Variants in LRPPRC observed in about 807,000 individuals in gnomAD.
LRPPRC encodes the protein leucine-rich PPR motif-containing protein, mitochondrial.
LRPPRC carries 120 observed loss-of-function variants against 180.3 expected under a neutral mutation model. That is an observed-to-expected ratio of 0.67 (90% CI 0.57 to 0.77). The LOEUF is 0.77. Ranked by LOEUF, LRPPRC falls within the 30% of genes least tolerant of loss-of-function variation. The pLI, the probability that LRPPRC is intolerant of heterozygous loss-of-function variation, is 0.00. For synonymous variants in LRPPRC, 723 were observed against 600.0 expected (o/e 1.21, Z -3.00); for missense variants, 2,012 against 1,657.2 (o/e 1.21, Z -3.72).
intron 16 of LRPPRC, 48 bp from the exon 17 acceptor site, chr2:43,948,566 G>C (rs375558155): frequency 1.1e-6 from 1 of 907,472 alleles, no homozygotes; most frequent in Non-Finnish European, 1.9e-6. Context: ...TACCGAGACT[G>C]TCATGTTATC....
chr2:43,956,478 C>T (rs1007631476), intron 14 of LRPPRC, among the ~76,000 whole-genome samples: 65 of 142,488 alleles, frequency 4.6e-4, no homozygotes, highest in Admixed American at 1.6e-3. Flanking sequence ...AAGAAAAAAA[C>T]GTGTGTGTGT....
chr2:43,982,932 GT>G (rs397978558), intron 1 of LRPPRC, among the ~76,000 whole-genome samples: 62 of 145,816 alleles, frequency 4.3e-4, no homozygotes, highest in Admixed American at 2.7e-4. Flanking sequence ...ACGATGCAGG[GT>G]TTTTTTTTTT....
intron 25 of LRPPRC, among the ~76,000 whole-genome samples, chr2:43,932,234 AC>A (rs1672119111): frequency 6.6e-6 from 1 of 151,918 alleles, no homozygotes; most frequent in African/African-American, 2.4e-5. Flanking sequence ...AAACAAAAAA[AC>A]AGGTGATATT....
At chr2:43,920,820 C>T (rs1268430806) in intron 27 of LRPPRC, among the ~76,000 whole-genome samples, 1 of 152,060 alleles carries the variant, frequency 6.6e-6, no homozygotes, top group African/African-American at 2.4e-5. Flanking sequence ...TGCTAAGGAC[C>T]TTTAAAAAGG....
intron 5 of LRPPRC, among the ~76,000 whole-genome samples, chr2:43,976,689 C>G (rs112873162): frequency 6.9e-6 from 1 of 145,650 alleles, no homozygotes; most frequent in Non-Finnish European, 1.5e-5. Context: ...TGGTTAAGAA[C>G]ATTTCCCTTA....
At chr2:43,945,291 G>C (rs368657323) in intron 22 of LRPPRC, 41 bp downstream of exon 22, 27 of 1,278,698 alleles carry the variant, frequency 2.1e-5, no homozygotes, top group Non-Finnish European at 3.1e-5. Context: ...CCAGTGGCAA[G>C]ATACTTGCAT....
chr2:43,890,091 G>T, intron 36 of LRPPRC: 1 of 594,994 alleles, frequency 1.7e-6, no homozygotes, highest in South Asian at 2.1e-5. Context: ...AGAAGAAAAT[G>T]ACAAATATGG....
intron 31 of LRPPRC, chr2:43,903,288 T>TACTC (rs1246523654): frequency 6.6e-6 from 1 of 152,224 alleles, no homozygotes; most frequent in Admixed American, 6.5e-5. Context: ...TTTACTCAAT[T>TACTC]ACTCACTAGT....
At chr2:43,901,163 T>C (rs1462470231) in intron 32 of LRPPRC, among the ~76,000 whole-genome samples, 157 bp downstream of exon 32, 6 of 152,210 alleles carry the variant, frequency 3.9e-5, no homozygotes, top group Admixed American at 3.9e-4. Flanking sequence ...AACATATTTT[T>C]CAACATATAA....
At chr2:43,926,193 G>C (rs116681792) in intron 25 of LRPPRC, among the ~76,000 whole-genome samples, 1 of 152,070 alleles carries the variant, frequency 6.6e-6, no homozygotes, top group South Asian at 2.1e-4. Flanking sequence ...GAGTAGAAGA[G>C]AGCATAAAAC....
chr2:43,954,313 TC>T (rs779993400), intron 14 of LRPPRC, among the ~76,000 whole-genome samples: 12 of 152,252 alleles, frequency 7.9e-5, no homozygotes, highest in Non-Finnish European at 1.8e-4. Context: ...ATAGGTTATT[TC>T]ATAGAAGAAA....
intron 14 of LRPPRC, among the ~76,000 whole-genome samples, chr2:43,955,838 G>T (rs1338605153): frequency 6.6e-6 from 1 of 152,010 alleles, no homozygotes; most frequent in African/African-American, 2.4e-5. Context: ...GGAAAAACAG[G>T]GTAGACACAG....
chr2:43,915,198 ACTCTCTCTCTCTCT>A (rs142492838), intron 29 of LRPPRC, among the ~76,000 whole-genome samples: 6 of 63,388 alleles, frequency 9.5e-5, no homozygotes, highest in Non-Finnish European at 1.5e-4. Flanking sequence ...ACAGAACAAG[ACTCTCTCTCTCTCT>A]CTCTCTCTCT....
Position 43,960,615 on chromosome 2 carries a change from TCAGA to T in LRPPRC, c.1504_1507del (p.Ser502IlefsTer10). The T allele has an allele frequency of 6.3e-7, 1 of 1,592,650 alleles. No individual in the cohort carries two copies. Among genetic ancestry groups the T allele is most frequent in the Non-Finnish European group, 8.6e-7 (1 of 1,162,028 alleles). Reference sequence around the variant, plus strand: ...TCCAGCTTGAGAAAACATATCACTATCAGACAGACATCCATTTTCCTGGAGATAA... The same window carrying T: ...TCCAGCTTGAGAAAACATATCACTATCAGACATCCATTTTCCTGGAGATAA... On this transcript the variant is annotated frameshift_variant, in exon 13 of 38. Coordinates refer to ENST00000260665, the MANE Select transcript of LRPPRC (RefSeq NM_133259.4). LOFTEE classifies it high-confidence loss of function.
At chr2:43,979,448 A>G (rs1454331726) in intron 3 of LRPPRC, among the ~76,000 whole-genome samples, 1 of 152,138 alleles carries the variant, frequency 6.6e-6, no homozygotes, top group Non-Finnish European at 1.5e-5. Context: ...ATTGGTTCCA[A>G]TTTCTTACTA....
At chr2:43,969,904 G>C (rs1673728765) in intron 11 of LRPPRC, among the ~76,000 whole-genome samples, 1 of 151,968 alleles carries the variant, frequency 6.6e-6, no homozygotes, top group South Asian at 2.1e-4. Flanking sequence ...TCAAAATCCT[G>C]GGCTCAACTA....
At chr2:43,982,548 A>G in intron 1 of LRPPRC, 114 bp from the exon 2 acceptor site, 2 of 758,880 alleles carry the variant, frequency 2.6e-6, no homozygotes, top group Admixed American at 2.4e-5. Context: ...ATCACAGTAC[A>G]ATACCAAAAA....
chr2:43,985,442 A>C (rs150592103), intron 1 of LRPPRC, among the ~76,000 whole-genome samples: 36 of 152,330 alleles, frequency 2.4e-4, no homozygotes, highest in African/African-American at 8.4e-4. Flanking sequence ...AGTATCATAC[A>C]AAATAATTTC....
intron 25 of LRPPRC, among the ~76,000 whole-genome samples, chr2:43,929,598 A>G (rs1441777154): frequency 6.6e-6 from 1 of 152,102 alleles, no homozygotes. Flanking sequence ...CAGTATATTT[A>G]CTGAAGAAAA....
Sources: gnomAD v4.1 joint callset for allele counts (sites outside exome capture counted in the v4.1 genomes callset) on GRCh38, gnomAD v4.1.1 for gene constraint, MANE v1.5 for transcripts, NCBI Gene and HGNC (gene_info 2026-07-23, HGNC 2026-07-21) for gene names.